STAG1: variants seen among roughly 807,000 people sequenced by gnomAD.
STAG1 encodes the protein STAG1 cohesin complex component, also known as cohesin subunit SA-1.
STAG1 carries 26 observed loss-of-function variants against 170.9 expected under a neutral mutation model. The observed-to-expected ratio is 0.15, with a 90% confidence interval of 0.11 to 0.21. STAG1 has a LOEUF of 0.21. Among genes scored for constraint, STAG1 ranks in the 10% least tolerant of loss-of-function variants. The probability of loss-of-function intolerance (pLI) is 1.00; values close to 1 mark genes in which losing one functional copy is unlikely to be tolerated. For synonymous variants in STAG1, 514 were observed against 497.7 expected, an observed-to-expected ratio of 1.03 and a Z score of -0.44; for missense variants, 964 against 1,509.5, an observed-to-expected ratio of 0.64 and a Z score of 5.99.
rs1294240107 is a variant in STAG1 at position 136,423,178 on chromosome 3, A to T, written c.1651-134T>A. ...GAAACTTAATGACTGAAATAAACAC[A>T]AGAAAGTTTATGCAAATTTTTACAT... On this transcript the variant is annotated intron_variant, in intron 16 of 33. Transcript: ENST00000383202. The T allele has an allele frequency of 5.3e-6, 3 of 566,558 alleles. No individual in the cohort carries two copies. In the African/African-American group the frequency reaches 5.7e-5, roughly 11 times the overall value. 35.1% of individuals were successfully genotyped at this position (566,558 alleles called of 1,614,324 possible). A position where few individuals can be genotyped will look rare whatever the true frequency, so the allele number is the denominator to read the frequency against.
At chr3:136,715,920 A>C (rs1254297660) in intron 1 of STAG1, among the ~76,000 whole-genome samples, 1 of 151,338 alleles carries the variant, frequency 6.6e-6, no homozygotes, top group Admixed American at 6.6e-5. Context: ...CAACGTGGCA[A>C]AACGCTGTTT....
chr3:136,589,832 G>A (rs1361354014), intron 4 of STAG1, among the ~76,000 whole-genome samples: 1 of 151,358 alleles, frequency 6.6e-6, no homozygotes, highest in Non-Finnish European at 1.5e-5. Context: ...TCGGGAGGCT[G>A]AGGCAGGAGG....
At chr3:136,605,358 A>G (rs1048719041) in intron 3 of STAG1, among the ~76,000 whole-genome samples, 2 of 152,192 alleles carry the variant, frequency 1.3e-5, no homozygotes, top group African/African-American at 4.8e-5. Flanking sequence ...ATCATTTGAA[A>G]AAATTGTTGG....
At chr3:136,485,972 T>A (rs920862828) in intron 9 of STAG1, among the ~76,000 whole-genome samples, 1 of 152,242 alleles carries the variant, frequency 6.6e-6, no homozygotes, top group African/African-American at 2.4e-5. Flanking sequence ...TCCATGAATA[T>A]TCTTGTATGT....
At chr3:136,559,820 G>A (rs1936768748) in intron 5 of STAG1, among the ~76,000 whole-genome samples, 1 of 152,082 alleles carries the variant, frequency 6.6e-6, no homozygotes, top group Non-Finnish European at 1.5e-5. Flanking sequence ...TATAAAACAG[G>A]AAATGAAGAT....
At chr3:136,623,402 C>T (rs1939952257) in intron 2 of STAG1, among the ~76,000 whole-genome samples, 154 bp from the exon 3 acceptor site, 1 of 152,116 alleles carries the variant, frequency 6.6e-6, no homozygotes, top group South Asian at 2.1e-4. Context: ...ATGTTATCCT[C>T]CCTTCCTAAT....
chr3:136,405,112 T>C (rs974926422), intron 21 of STAG1, among the ~76,000 whole-genome samples: 1 of 151,646 alleles, frequency 6.6e-6, no homozygotes, highest in Non-Finnish European at 1.5e-5. Context: ...ACTGGGTTAA[T>C]ATGAGCGACA....
chr3:136,738,301 G>A (rs1292930113), intron 1 of STAG1, among the ~76,000 whole-genome samples: 3 of 151,194 alleles, frequency 2.0e-5, no homozygotes, highest in Non-Finnish European at 4.4e-5. Flanking sequence ...GACCAGCCTG[G>A]CCAACATGGT....
intron 1 of STAG1, among the ~76,000 whole-genome samples, chr3:136,739,503 CAAA>C (rs1165327249): frequency 4.4e-5 from 2 of 45,682 alleles, no homozygotes; most frequent in Admixed American, 2.3e-4. Flanking sequence ...CAGACTCCGT[CAAA>C]AAAAAAAAAA....
At chr3:136,401,891 C>T (rs549098003) in intron 21 of STAG1, among the ~76,000 whole-genome samples, 2 of 152,180 alleles carry the variant, frequency 1.3e-5, no homozygotes, top group Admixed American at 6.5e-5. Flanking sequence ...ATTACAGGCA[C>T]GTGCCACCAC....
chr3:136,364,313 C>T (rs1018204298), intron 25 of STAG1, among the ~76,000 whole-genome samples: 5 of 151,978 alleles, frequency 3.3e-5, no homozygotes, highest in Non-Finnish European at 7.4e-5. Context: ...GAACTCCTGA[C>T]CTCAAGTGAT....
chr3:136,505,451 C>A (rs993152795), intron 7 of STAG1, among the ~76,000 whole-genome samples: 10 of 152,298 alleles, frequency 6.6e-5, no homozygotes, highest in African/African-American at 2.2e-4. Context: ...AGCAATCTGA[C>A]AATTTAATGC....
intron 24 of STAG1, among the ~76,000 whole-genome samples, chr3:136,368,773 AG>A (rs1937179015): frequency 6.6e-6 from 1 of 152,202 alleles, no homozygotes; most frequent in South Asian, 2.1e-4. Flanking sequence ...GTATTAAAGG[AG>A]GGAGACTTCA....
At chr3:136,588,747 C>T (rs554468394) in intron 4 of STAG1, among the ~76,000 whole-genome samples, 4 of 152,044 alleles carry the variant, frequency 2.6e-5, no homozygotes, top group African/African-American at 7.2e-5. Flanking sequence ...GCTGCCCAGC[C>T]TATTTTCTGT....
intron 1 of STAG1, among the ~76,000 whole-genome samples, chr3:136,654,915 C>T (rs1229157021): frequency 6.6e-6 from 1 of 152,162 alleles, no homozygotes; most frequent in African/African-American, 2.4e-5. Context: ...GTCGTTTCAA[C>T]ACATAGTAAT....
At chr3:136,732,375 T>C (rs72975375) in intron 1 of STAG1, among the ~76,000 whole-genome samples, 1,714 of 152,220 alleles carry the variant, frequency 0.011, 21 homozygotes, top group African/African-American at 0.04. Flanking sequence ...ATGCCTAACC[T>C]TCTGTGTGCA....
chr3:136,480,985 A>G (rs2089890240), intron 9 of STAG1, among the ~76,000 whole-genome samples: 1 of 140,416 alleles, frequency 7.1e-6, no homozygotes, highest in Admixed American at 7.5e-5. Flanking sequence ...TTGGGCTGAG[A>G]CGATGGGGTT....
At chr3:136,715,761 C>T (rs1943524136) in intron 1 of STAG1, among the ~76,000 whole-genome samples, 1 of 151,662 alleles carries the variant, frequency 6.6e-6, no homozygotes, top group African/African-American at 2.4e-5. Context: ...TCAATAACTA[C>T]TGTAGTTTTT....
chr3:136,376,061 T>TAAAATAAAATAAAATAAAAC (rs1560069542), intron 23 of STAG1, among the ~76,000 whole-genome samples: 1 of 116,612 alleles, frequency 8.6e-6, no homozygotes, highest in Non-Finnish European at 1.9e-5. Context: ...CAAAATAAAA[T>TAAAATAAAATAAAATAAAAC]AAATGGCAGA....
Sources: allele counts gnomAD v4.1 joint callset (sites outside exome capture counted in the v4.1 genomes callset), GRCh38; gene constraint gnomAD v4.1.1; transcripts MANE v1.5; gene names NCBI Gene and HGNC (gene_info 2026-07-23, HGNC 2026-07-21).